SLC7A6: variants seen among roughly 807,000 people sequenced by gnomAD.
SLC7A6 encodes the protein Y+L amino acid transporter 2.
A neutral mutation model predicts 46.6 loss-of-function variants in SLC7A6; 29 were observed. The observed-to-expected ratio is 0.62, with a 90% CI of 0.46 to 0.85. The LOEUF (loss-of-function observed/expected upper bound fraction) is 0.85, where lower values mean the gene tolerates loss of function less well. SLC7A6 is among the 40% of genes least tolerant of loss of function. The pLI is 0.00. For missense variants in SLC7A6, 527 were observed against 647.6 expected, an observed-to-expected ratio of 0.81 and a Z score of 2.02; for synonymous variants, 276 against 257.3, an observed-to-expected ratio of 1.07 and a Z score of -0.70.
intron 5 of SLC7A6, chr16:68,290,875 G>A: frequency 2.1e-6 from 1 of 471,384 alleles, no homozygotes; most frequent in South Asian, 2.2e-5. Flanking sequence ...ACTTATTCTG[G>A]CCAGCTGGGT....
At chr16:68,287,601 G>C in intron 3 of SLC7A6, 145 bp from the exon 4 acceptor site, 1 of 1,501,946 alleles carries the variant, frequency 6.7e-7, no homozygotes, top group Non-Finnish European at 8.9e-7. Context: ...GTGTCCCCTC[G>C]CTTGCCAGTT....
At chr16:68,291,684 A>T (rs2151229533) in intron 7 of SLC7A6, 23 bp downstream of exon 7, 1 of 1,591,202 alleles carries the variant, frequency 6.3e-7, no homozygotes, top group African/African-American at 1.3e-5. Context: ...TGTGTCACTG[A>T]TAATAGACCA....
chr16:68,301,515 T>A lies in SLC7A6; in HGVS notation c.*4187T>A. ...TTTTGTTCCCGATTGTAATGCAAAA[T>A]CCTTGCTCAATAAATAAAAAAGAAT... On this transcript the variant is annotated 3_prime_UTR_variant, in exon 11 of 11. Coordinates refer to ENST00000219343, the MANE Select transcript of SLC7A6 (RefSeq NM_003983.6). 3.6e-6 allele frequency: 3 copies of A among 831,544 alleles called. No individual in the cohort carries two copies. The highest frequency in any genetic ancestry group is 5.4e-6 in the Non-Finnish European group (3 of 552,148). 51.5% of individuals were successfully genotyped at this position (831,544 alleles called of 1,614,324 possible). A position where few individuals can be genotyped will look rare whatever the true frequency, so the allele number is the denominator to read the frequency against.
chr16:68,297,468 C>G lies in SLC7A6; in HGVS notation c.*140C>G. 1.6e-6 allele frequency: 1 copy of G among 633,372 alleles called. No homozygotes were observed. Among genetic ancestry groups the G allele is most frequent in the Non-Finnish European group, 2.7e-6 (1 of 377,160 alleles). 39.2% of individuals were successfully genotyped at this position (633,372 alleles called of 1,614,324 possible). On this transcript the variant is annotated 3_prime_UTR_variant, in exon 11 of 11. Coordinates refer to ENST00000219343, the MANE Select transcript of SLC7A6 (RefSeq NM_003983.6). ...TAGTGGGGCTCAGGGCCAGTGCTCA[C>G]TCTTATTGGTAAGCTATAGGAGACT...
At chr16:68,287,654 G>C in intron 3 of SLC7A6, 92 bp from the exon 4 acceptor site, 1 of 1,553,338 alleles carries the variant, frequency 6.4e-7, no homozygotes, top group South Asian at 1.2e-5. Context: ...GCCTTAGGCA[G>C]GAAGGGCAGA....
chr16:68,278,793 G>A (rs1257460505), intron 3 of SLC7A6, among the ~76,000 whole-genome samples: 2 of 152,130 alleles, frequency 1.3e-5, no homozygotes, highest in Non-Finnish European at 2.9e-5. Context: ...AACCGCCATC[G>A]TCATCATGGC....
intron 4 of SLC7A6, among the ~76,000 whole-genome samples, chr16:68,289,695 T>C (rs2043008273): frequency 6.6e-6 from 1 of 152,156 alleles, no homozygotes; most frequent in Non-Finnish European, 1.5e-5. Flanking sequence ...CCCTGGGCTT[T>C]TGTGTCTGCA....
Position 68,281,283 on chromosome 16 carries a change from A to G in SLC7A6, c.523+6034A>G, listed in dbSNP as rs576385561. Among the ~76,000 whole-genome samples, 36 of 152,300 alleles carry G rather than the reference A, an allele frequency of 2.4e-4. 1 individual carries two copies. In the South Asian group the frequency reaches 6.8e-3, roughly 29 times the overall value. On this transcript the variant is annotated intron_variant, in intron 3 of 10. Coordinates refer to ENST00000219343, the MANE Select transcript of SLC7A6 (RefSeq NM_003983.6). ...TTTTACCTACTAATTATCCTAGAAC[A>G]GTGGTTCTCAGCCAGAGGGGAGTTT...
chr16:68,275,087 G>T lies in SLC7A6; in HGVS notation c.361G>T (p.Gly121Cys). The change falls in exon 3 of 11, where the codon GGC (glycine) becomes TGC (cysteine). Residue 121 changes from glycine to cysteine, a missense_variant. Coordinates refer to ENST00000219343, the MANE Select transcript of SLC7A6 (RefSeq NM_003983.6). ...CGCTTATATTCTAGAGGCCTTTGGGGGCTTCATTGCCTTCATCCGCCTGTG... is the reference window on the plus strand; with the variant it reads ...CGCTTATATTCTAGAGGCCTTTGGGTGCTTCATTGCCTTCATCCGCCTGTG... ...SYAYILEAFG[G>C]FIAFIRLWVS... The T allele has an allele frequency of 6.2e-7, 1 of 1,614,146 alleles. No homozygotes were observed. Among genetic ancestry groups the T allele is most frequent in the African/African-American group, 1.3e-5 (1 of 75,032 alleles).
chr16:68,278,997 C>T (rs2042778015), intron 3 of SLC7A6, among the ~76,000 whole-genome samples: 1 of 152,110 alleles, frequency 6.6e-6, no homozygotes, highest in African/African-American at 2.4e-5. Flanking sequence ...CCCCCACCTC[C>T]CTCCTGGATG....
At position 68,296,681 on chromosome 16, in the gene SLC7A6, G is replaced by T. The variant is rs747738041; in HGVS notation, c.1324G>T (p.Val442Leu). Residue 442 changes from valine to leucine, a missense_variant, in exon 10 of 11, where the codon GTG becomes TTG. Physicochemically the swap from Val to Leu is conservative, Grantham distance 32 (BLOSUM62 1). Transcript: ENST00000219343. Reference sequence around the variant, plus strand: ...CATATGCTCCGTGTTTCTGGTGATAGTGCCCCTCTTCACTGACACCATTAA... The same window carrying T: ...CATATGCTCCGTGTTTCTGGTGATATTGCCCCTCTTCACTGACACCATTAA... The part of the protein sequence containing the change: ...FCICSVFLVI[V>L]PLFTDTINSL... 1 of 1,614,174 alleles carries T rather than the reference G, an allele frequency of 6.2e-7. No homozygotes were observed. The highest frequency in any genetic ancestry group is 8.5e-7 in the Non-Finnish European group (1 of 1,180,022).
intron 3 of SLC7A6, among the ~76,000 whole-genome samples, chr16:68,278,066 C>G (rs2042748830): frequency 1.3e-5 from 2 of 152,100 alleles, no homozygotes; most frequent in African/African-American, 4.8e-5. Flanking sequence ...AAGAGATTCT[C>G]CTGCCTCAGC....
At chr16:68,284,541 T>G in intron 3 of SLC7A6, 1 of 535,068 alleles carries the variant, frequency 1.9e-6, no homozygotes, top group Non-Finnish European at 2.4e-6. Context: ...AGCACATAGT[T>G]GAATTTCCAC....
At position 68,275,233 on chromosome 16, in the gene SLC7A6, G is replaced by A. The variant is rs1365529417; in HGVS notation, c.507G>A (p.Leu169=). The change falls in exon 3 of 11, where the codon CTG becomes CTA. Residue 169 remains leucine (L), a synonymous_variant. Coordinates refer to ENST00000219343, the MANE Select transcript of SLC7A6 (RefSeq NM_003983.6). ...CDPPYLACRL[L]AAACICLLTF... ...CCCCATACCTGGCCTGCCGTCTCCTGGCTGCTGCTTGCATATGTAAGTGGG... is the reference window on the plus strand; with the variant it reads ...CCCCATACCTGGCCTGCCGTCTCCTAGCTGCTGCTTGCATATGTAAGTGGG... 1 of 1,611,796 alleles carries A rather than the reference G, an allele frequency of 6.2e-7. No homozygotes were observed. Among genetic ancestry groups the A allele is most frequent in the African/African-American group, 1.3e-5 (1 of 74,606 alleles).
intron 4 of SLC7A6, among the ~76,000 whole-genome samples, chr16:68,289,887 A>T (rs2043013164): frequency 6.6e-6 from 1 of 152,212 alleles, no homozygotes; most frequent in African/African-American, 2.4e-5. Flanking sequence ...AAACCCATTG[A>T]CCAAATTGTG....
intron 8 of SLC7A6, among the ~76,000 whole-genome samples, chr16:68,295,849 C>G (rs1419762477): frequency 6.6e-6 from 1 of 152,186 alleles, no homozygotes; most frequent in East Asian, 1.9e-4. Context: ...TACAATTTCT[C>G]CCTCTGGCTC....
In SLC7A6 at chr16:68,301,296, G is replaced by A. The variant is rs747087917; in HGVS notation, c.*3968G>A. The A allele has an allele frequency of 2.5e-6, 4 of 1,614,016 alleles. No homozygotes were observed. Among genetic ancestry groups the A allele is most frequent in the Non-Finnish European group, 3.4e-6 (4 of 1,179,936 alleles). On this transcript the variant is annotated 3_prime_UTR_variant, in exon 11 of 11. Transcript: ENST00000219343. ...ACCATCAGTCTGAATCCAGGTCGTG[G>A]GGGCTGTCATAGCCGAACTCCTTCT... is the stretch of plus-strand genomic sequence containing the variant.
intron 3 of SLC7A6, among the ~76,000 whole-genome samples, chr16:68,275,487 C>T (rs2042695702): frequency 6.7e-6 from 1 of 149,002 alleles, no homozygotes; most frequent in African/African-American, 2.5e-5. Flanking sequence ...CCCAGCTACT[C>T]GGGAGGCTGA....
At chr16:68,278,699 T>C (rs931218738) in intron 3 of SLC7A6, among the ~76,000 whole-genome samples, 1 of 152,136 alleles carries the variant, frequency 6.6e-6, no homozygotes, top group Non-Finnish European at 1.5e-5. Context: ...TGGAGTCTCC[T>C]ATGTCTACTT....
Sources: gnomAD v4.1 joint callset for allele counts (sites outside exome capture counted in the v4.1 genomes callset) on GRCh38, gnomAD v4.1.1 for gene constraint, MANE v1.5 for transcripts, NCBI Gene and HGNC (gene_info 2026-07-23, HGNC 2026-07-21) for gene names.